The following CAST variants were observed in gnomAD, a reference collection of about 807,000 sequenced individuals.
CAST encodes calpastatin.
In CAST, 76 loss-of-function variants were observed where a neutral mutation model predicts 119.6. The ratio of observed to expected loss-of-function variants is 0.64; its 90% CI spans 0.53 to 0.77. CAST has a LOEUF of 0.77. Ranked by LOEUF, CAST falls within the 30% of genes least tolerant of loss-of-function variation. CAST has a pLI of 0.00. For synonymous variants in CAST, 319 were observed against 331.6 expected, an observed-to-expected ratio of 0.96 and a Z score of 0.41; for missense variants, 953 against 946.5, an observed-to-expected ratio of 1.01 and a Z score of -0.09.
the CAST span, among the ~76,000 whole-genome samples, chr5:96,105,910 A>C: frequency 3.3e-5 from 5 of 152,202 alleles, no homozygotes; most frequent in Non-Finnish European, 7.3e-5. Flanking sequence ...CCGTAATTTC[A>C]GATCCTGTTA....
At chr5:96,671,115 T>A in intron 1 of CAST, among the ~76,000 whole-genome samples, 1 of 152,214 alleles carries the variant, frequency 6.6e-6, no homozygotes, top group South Asian at 2.1e-4. Flanking sequence ...AATTATTCCT[T>A]CTTGAGTTAA....
At chr5:96,246,187 CTT>C in the CAST span, among the ~76,000 whole-genome samples, 1 of 76,386 alleles carries the variant, frequency 1.3e-5, no homozygotes, top group African/African-American at 4.4e-5. Flanking sequence ...GTCTGTCTTC[CTT>C]TTTTTTTTTT....
chr5:96,646,478 A>G (rs1346537859), intron 1 of CAST, among the ~76,000 whole-genome samples: 1 of 152,260 alleles, frequency 6.6e-6, no homozygotes. Flanking sequence ...CTGTCTTGCA[A>G]GATGTATTGT....
the CAST span, among the ~76,000 whole-genome samples, chr5:96,486,706 G>GC: frequency 2.2e-5 from 1 of 45,190 alleles, no homozygotes. Flanking sequence ...CTTTTGTGTT[G>GC]GGGGGGCAGA....
At chr5:96,198,837 A>G in the CAST span, among the ~76,000 whole-genome samples, 1 of 152,044 alleles carries the variant, frequency 6.6e-6, no homozygotes, top group African/African-American at 2.4e-5. Flanking sequence ...CTACATTTTT[A>G]TGACTTGAAT....
chr5:96,602,303 T>C (rs1158568025), intron 1 of CAST, among the ~76,000 whole-genome samples: 1 of 152,230 alleles, frequency 6.6e-6, no homozygotes, highest in Non-Finnish European at 1.5e-5. Flanking sequence ...TTCACAAACC[T>C]TTACATTTCT....
intron 1 of CAST, among the ~76,000 whole-genome samples, chr5:96,610,632 C>T (rs147795070): frequency 4.6e-4 from 70 of 152,226 alleles, no homozygotes; most frequent in African/African-American, 1.6e-3. Flanking sequence ...CCACTCTTAC[C>T]ACTCCTATTC....
chr5:96,392,548 T>G, the CAST span: 1 of 175,480 alleles, frequency 5.7e-6, no homozygotes, highest in Non-Finnish European at 1.2e-5. Flanking sequence ...AAATACTTTC[T>G]TGGCATCAAA....
At chr5:96,730,429 A>C (rs1760212383) in intron 8 of CAST, among the ~76,000 whole-genome samples, 1 of 152,208 alleles carries the variant, frequency 6.6e-6, no homozygotes, top group African/African-American at 2.4e-5. Context: ...ATTTCACATA[A>C]CATCCCAAAT....
the CAST span, among the ~76,000 whole-genome samples, chr5:96,104,149 A>G: frequency 6.6e-6 from 1 of 152,096 alleles, no homozygotes; most frequent in Non-Finnish European, 1.5e-5. Context: ...TTGTCAGATG[A>G]GTAGGTTGCG....
chr5:96,222,402 C>T, the CAST span, among the ~76,000 whole-genome samples: 2 of 151,860 alleles, frequency 1.3e-5, no homozygotes, highest in African/African-American at 4.8e-5. Flanking sequence ...AGACCTCGAA[C>T]AACACAACAA....
chr5:96,005,129 A>C, the CAST span, among the ~76,000 whole-genome samples: 1 of 152,234 alleles, frequency 6.6e-6, no homozygotes, highest in Non-Finnish European at 1.5e-5. Context: ...GAAAAGTTTT[A>C]AAAACTCATC....
At chr5:95,978,510 T>C in the CAST span, among the ~76,000 whole-genome samples, 1 of 152,210 alleles carries the variant, frequency 6.6e-6, no homozygotes, top group Non-Finnish European at 1.5e-5. Flanking sequence ...TTTTTTCTTG[T>C]AAATTTGTTT....
the CAST span, among the ~76,000 whole-genome samples, chr5:96,150,242 G>A: frequency 2.0e-5 from 3 of 152,180 alleles, no homozygotes; most frequent in African/African-American, 7.2e-5. Context: ...CTAAACTGAG[G>A]TGCTAGACTA....
the CAST span, among the ~76,000 whole-genome samples, chr5:96,364,861 G>A: frequency 6.6e-6 from 1 of 152,130 alleles, no homozygotes; most frequent in African/African-American, 2.4e-5. Flanking sequence ...CTTGCCTTCT[G>A]CTAGCTTTTG....
At chr5:96,519,749 G>T in the CAST span, among the ~76,000 whole-genome samples, 1 of 152,070 alleles carries the variant, frequency 6.6e-6, no homozygotes, top group African/African-American at 2.4e-5. Context: ...TGGGACTACA[G>T]GTGCTCGTGA....
At chr5:96,150,262 G>A in the CAST span, among the ~76,000 whole-genome samples, 2 of 152,186 alleles carry the variant, frequency 1.3e-5, no homozygotes, top group Non-Finnish European at 2.9e-5. Flanking sequence ...ACCTCTGCAG[G>A]ACTGGTGGAA....
chr5:95,987,547 A>G, the CAST span, among the ~76,000 whole-genome samples: 1 of 152,178 alleles, frequency 6.6e-6, no homozygotes, highest in Non-Finnish European at 1.5e-5. Flanking sequence ...GTACACAGCC[A>G]GTGTTGAGAA....
chr5:96,530,369 G>T (rs1379216839), intron 1 of CAST, among the ~76,000 whole-genome samples: 3 of 152,292 alleles, frequency 2.0e-5, no homozygotes, highest in African/African-American at 7.2e-5. Flanking sequence ...CCTTTACTGA[G>T]CTAGAGAAGC....
Sources: allele counts gnomAD v4.1 joint callset (sites outside exome capture counted in the v4.1 genomes callset), GRCh38; gene constraint gnomAD v4.1.1; transcripts MANE v1.5; gene names NCBI Gene and HGNC (gene_info 2026-07-23, HGNC 2026-07-21).